The following SENP7 variants were observed in gnomAD, a reference collection of about 807,000 sequenced individuals.
SENP7 encodes sentrin-specific protease 7.
In SENP7, 64 loss-of-function variants were observed where a neutral mutation model predicts 141.2. The observed-to-expected ratio is 0.45, with a 90% confidence interval of 0.37 to 0.56. SENP7 has a LOEUF of 0.56. Among genes scored for constraint, SENP7 ranks in the 20% least tolerant of loss-of-function variants. The probability of loss-of-function intolerance (pLI) is 0.00; values close to 1 mark genes in which losing one functional copy is unlikely to be tolerated. For synonymous variants in SENP7, 382 were observed against 426.4 expected (o/e 0.90, Z 1.28); for missense variants, 1,025 against 1,212.2 (o/e 0.85, Z 2.29).
intron 10 of SENP7, among the ~76,000 whole-genome samples, chr3:101,363,965 C>A (rs775677908): frequency 4.6e-5 from 7 of 152,172 alleles, no homozygotes; most frequent in Non-Finnish European, 7.3e-5. Flanking sequence ...TGCATGTGAT[C>A]CTAGCACTTT....
intron 19 of SENP7, among the ~76,000 whole-genome samples, chr3:101,331,563 A>AAATAATAATAATAAT (rs58803980): frequency 4.0e-5 from 6 of 150,360 alleles, no homozygotes; most frequent in African/African-American, 1.5e-4. Flanking sequence ...ATGTCAATGG[A>AAATAATAATAATAAT]AATAATAATA....
chr3:101,437,413 G>A (rs1203501422), intron 4 of SENP7, among the ~76,000 whole-genome samples: 1 of 152,032 alleles, frequency 6.6e-6, no homozygotes, highest in Non-Finnish European at 1.5e-5. Flanking sequence ...TTGAGGGGAT[G>A]GATACCCCAT....
At chr3:101,366,932 T>G (rs368110647) in intron 8 of SENP7, among the ~76,000 whole-genome samples, 163 bp from the exon 9 acceptor site, 2 of 152,294 alleles carry the variant, frequency 1.3e-5, no homozygotes, top group South Asian at 2.1e-4. Context: ...GTCTCCCAAA[T>G]TTAAAGATAC....
At chr3:101,445,621 T>TA (rs978866778) in intron 4 of SENP7, among the ~76,000 whole-genome samples, 13 of 152,084 alleles carry the variant, frequency 8.5e-5, no homozygotes, top group Non-Finnish European at 1.9e-4. Context: ...TAAGTGGATT[T>TA]AAAAAAACAA....
chr3:101,463,853 T>A (rs1233042070), intron 3 of SENP7, among the ~76,000 whole-genome samples: 1 of 152,096 alleles, frequency 6.6e-6, no homozygotes, highest in Non-Finnish European at 1.5e-5. Flanking sequence ...AGATGGAGTT[T>A]TACTCTTGTT....
At chr3:101,355,084 A>C (rs962203239) in intron 11 of SENP7, among the ~76,000 whole-genome samples, 5 of 151,668 alleles carry the variant, frequency 3.3e-5, no homozygotes, top group Admixed American at 2.6e-4. Flanking sequence ...TTTTCCTGTA[A>C]ATTTAAGTTC....
At chr3:101,391,185 T>C (rs1002007392) in intron 6 of SENP7, among the ~76,000 whole-genome samples, 3 of 150,442 alleles carry the variant, frequency 2.0e-5, no homozygotes, top group Admixed American at 2.0e-4. Context: ...CTCAAAAAAC[T>C]AGAAAAGCAA....
intron 4 of SENP7, among the ~76,000 whole-genome samples, chr3:101,454,753 T>C (rs1015486722): frequency 6.6e-5 from 10 of 152,082 alleles, no homozygotes; most frequent in African/African-American, 1.9e-4. Context: ...AGATCAAACA[T>C]ATTGTATGAT....
At chr3:101,478,533 A>C (rs1434483217) in intron 3 of SENP7, among the ~76,000 whole-genome samples, 1 of 152,132 alleles carries the variant, frequency 6.6e-6, no homozygotes, top group Non-Finnish European at 1.5e-5. Flanking sequence ...ACTAAAGAAA[A>C]TTTTAAAAGG....
intron 3 of SENP7, among the ~76,000 whole-genome samples, chr3:101,463,372 T>TATATATATATAC (rs2063624835): frequency 1.2e-5 from 1 of 84,536 alleles, no homozygotes; most frequent in Non-Finnish European, 2.2e-5. Context: ...TAAATATATA[T>TATATATATATAC]ATATATATAT....
intron 1 of SENP7, among the ~76,000 whole-genome samples, chr3:101,511,320 T>C (rs62280744): frequency 0.011 from 1,697 of 152,334 alleles, 19 homozygotes; most frequent in Non-Finnish European, 0.016. Flanking sequence ...CTTGTTGAAT[T>C]ACAAGGCAAA....
intron 5 of SENP7, among the ~76,000 whole-genome samples, chr3:101,406,240 A>C (rs1226874104): frequency 1.3e-5 from 2 of 152,218 alleles, no homozygotes; most frequent in Non-Finnish European, 2.9e-5. Flanking sequence ...ACACCATGGA[A>C]TACTATGCAG....
At chr3:101,328,937 C>A (rs954906168) in intron 20 of SENP7, among the ~76,000 whole-genome samples, 1 of 152,238 alleles carries the variant, frequency 6.6e-6, no homozygotes, top group Admixed American at 6.5e-5. Context: ...CAATCTGGAA[C>A]TTTAATTACT....
intron 14 of SENP7, among the ~76,000 whole-genome samples, chr3:101,343,190 A>T (rs1413004178): frequency 6.6e-6 from 1 of 152,188 alleles, no homozygotes; most frequent in Non-Finnish European, 1.5e-5. Context: ...AGGTTTCTCC[A>T]CTGCAAAGTT....
At chr3:101,348,860 C>G (rs958246117) in intron 12 of SENP7, among the ~76,000 whole-genome samples, 5 of 151,670 alleles carry the variant, frequency 3.3e-5, no homozygotes, top group Non-Finnish European at 5.9e-5. Flanking sequence ...TGCAAGACAG[C>G]AAGCAACTGA....
At chr3:101,511,149 G>A (rs1201656052) in intron 1 of SENP7, among the ~76,000 whole-genome samples, 1 of 152,080 alleles carries the variant, frequency 6.6e-6, no homozygotes. Context: ...GAGAGATCAC[G>A]AGAAAAAGAA....
chr3:101,337,052 G>A (rs139689839), intron 17 of SENP7: 2 of 152,506 alleles, frequency 1.3e-5, no homozygotes, highest in Non-Finnish European at 1.5e-5. Flanking sequence ...CGGGGACAGT[G>A]AGACAGCAAA....
At chr3:101,339,087 G>C (rs964760698) in intron 16 of SENP7, among the ~76,000 whole-genome samples, 2 of 152,122 alleles carry the variant, frequency 1.3e-5, no homozygotes, top group African/African-American at 4.8e-5. Flanking sequence ...AATTATAACT[G>C]TATTCCATAT....
Position 101,327,764 on chromosome 3 carries a change from TG to T in SENP7, c.2916del (p.Ser972ArgfsTer54), listed in dbSNP as rs770484888. ...GGGCATAGATCCACCATGTTTGTTT[TG>T]CTGAATTGACGATGAGTTTTTAGTT... ...EVKLKTHRQF[S>X]KTNMVDLCPK... is the part of the protein sequence containing the mutation. On this transcript the variant is annotated frameshift_variant, in exon 23 of 24. Coordinates refer to ENST00000394095, the MANE Select transcript of SENP7 (RefSeq NM_020654.5). LOFTEE classifies it high-confidence loss of function. 3 of 1,611,502 alleles carry T rather than the reference TG, an allele frequency of 1.9e-6. No individual in the cohort carries two copies. The African/African-American group carries it at 4.0e-5, about 22-fold the overall frequency.
Sources: gnomAD v4.1 joint callset for allele counts (sites outside exome capture counted in the v4.1 genomes callset) on GRCh38, gnomAD v4.1.1 for gene constraint, MANE v1.5 for transcripts, NCBI Gene and HGNC (gene_info 2026-07-23, HGNC 2026-07-21) for gene names.